Variants in ADAM32 observed in about 807,000 individuals in gnomAD.
ADAM32 encodes the protein ADAM metallopeptidase domain 32.
A neutral mutation model predicts 114.9 loss-of-function variants in ADAM32; 89 were observed. The observed-to-expected ratio is 0.77, with a 90% CI of 0.65 to 0.92. The LOEUF is 0.92. Among genes scored for constraint, ADAM32 ranks in the 40% least tolerant of loss-of-function variants. The pLI is 0.00. For synonymous variants in ADAM32, 285 were observed against 307.5 expected (o/e 0.93, Z 0.77); for missense variants, 870 against 932.8 (o/e 0.93, Z 0.88).
At chr8:39,181,353 CA>C (rs1805878215) in intron 10 of ADAM32, among the ~76,000 whole-genome samples, 1 of 152,208 alleles carries the variant, frequency 6.6e-6, no homozygotes, top group Non-Finnish European at 1.5e-5. Context: ...CGAACGTCTG[CA>C]GCTTCACTCC....
chr8:39,221,679 G>A lies in ADAM32; in HGVS notation c.1303G>A (p.Gly435Arg). Residue 435 changes from glycine to arginine, a missense_variant, in exon 13 of 25, where the codon GGA (glycine) becomes AGA (arginine). Transcript: ENST00000379907. ...VLKDGAKCYK[G>R]LCCKDCQILQ... ...GAAAGACGGAGCAAAATGTTATAAA[G>A]GACTGTGCTGCAAAGACTGTCAAGT... 1.9e-6 allele frequency: 3 copies of A among 1,611,440 alleles called. No homozygotes were observed. The highest frequency in any genetic ancestry group is 2.5e-6 in the Non-Finnish European group (3 of 1,178,424).
At chr8:39,221,350 A>G (rs1808946697) in intron 12 of ADAM32, 1 of 345,004 alleles carries the variant, frequency 2.9e-6, no homozygotes, top group African/African-American at 2.1e-5. Context: ...CTTTTTATCC[A>G]TTCTGACATT....
intron 9 of ADAM32, chr8:39,167,903 T>C (rs758095574): frequency 6.6e-6 from 1 of 152,140 alleles, no homozygotes. Context: ...TCCGGAAACT[T>C]TGCTGAATTC....
At chr8:39,206,228 G>A (rs905188310) in intron 11 of ADAM32, among the ~76,000 whole-genome samples, 1 of 152,184 alleles carries the variant, frequency 6.6e-6, no homozygotes, top group Non-Finnish European at 1.5e-5. Flanking sequence ...TTCTGCTAAG[G>A]ACAAGGATGC....
At chr8:39,257,443 TG>T in intron 19 of ADAM32, 100 bp downstream of exon 19, 1 of 1,359,636 alleles carries the variant, frequency 7.4e-7, no homozygotes, top group Middle Eastern at 1.9e-4. Flanking sequence ...TACATATCAC[TG>T]GGATTTTGAG....
intron 6 of ADAM32, among the ~76,000 whole-genome samples, chr8:39,159,544 A>G (rs1414166892): frequency 1.3e-5 from 2 of 152,052 alleles, no homozygotes; most frequent in African/African-American, 4.8e-5. Flanking sequence ...CAAAGCCTTC[A>G]TTTCTCCACC....
At chr8:39,215,888 T>C (rs757523864) in intron 12 of ADAM32, among the ~76,000 whole-genome samples, 6 of 152,078 alleles carry the variant, frequency 3.9e-5, no homozygotes, top group Non-Finnish European at 7.4e-5. Context: ...AAATGTTCTG[T>C]AAATATCTAT....
chr8:39,160,585 A>G (rs906448133), intron 6 of ADAM32, among the ~76,000 whole-genome samples: 1 of 148,790 alleles, frequency 6.7e-6, no homozygotes, highest in African/African-American at 2.5e-5. Flanking sequence ...CCACACACAT[A>G]TAGTTTTTAA....
intron 16 of ADAM32, among the ~76,000 whole-genome samples, chr8:39,235,752 C>T (rs1810092676): frequency 6.6e-6 from 1 of 151,916 alleles, no homozygotes; most frequent in Non-Finnish European, 1.5e-5. Flanking sequence ...TCAACTGAGC[C>T]AGGCAGACAG....
chr8:39,164,235 G>A (rs1028295847), intron 7 of ADAM32, among the ~76,000 whole-genome samples: 2 of 152,172 alleles, frequency 1.3e-5, no homozygotes, highest in Non-Finnish European at 2.9e-5. Context: ...CAAGCAGTCT[G>A]TATCCTTTTG....
chr8:39,187,066 T>C (rs372800816), intron 11 of ADAM32, 21 bp downstream of exon 11: 1 of 1,578,406 alleles, frequency 6.3e-7, no homozygotes, highest in Non-Finnish European at 8.6e-7. Context: ...ACAATTTATT[T>C]ATTGCTTATG....
At chr8:39,139,158 G>T (rs2129445105) in intron 3 of ADAM32, among the ~76,000 whole-genome samples, 1 of 152,282 alleles carries the variant, frequency 6.6e-6, no homozygotes, top group Non-Finnish European at 1.5e-5. Context: ...TTCTTTTGGT[G>T]TGCAGAAGCT....
At chr8:39,218,352 CT>C (rs1808729808) in intron 12 of ADAM32, among the ~76,000 whole-genome samples, 1 of 152,090 alleles carries the variant, frequency 6.6e-6, no homozygotes, top group South Asian at 2.1e-4. Flanking sequence ...GCAAGGCTTG[CT>C]GAAACCACTA....
intron 1 of ADAM32, 53 bp downstream of exon 1, chr8:39,107,886 C>A: frequency 6.8e-7 from 1 of 1,476,448 alleles, no homozygotes; most frequent in Non-Finnish European, 9.0e-7. Flanking sequence ...CACTGCGGCC[C>A]GACTCCCTGC....
At chr8:39,232,272 C>T (rs2129449322) in intron 15 of ADAM32, 137 bp downstream of exon 15, 2 of 581,434 alleles carry the variant, frequency 3.4e-6, no homozygotes, top group South Asian at 6.0e-5. Flanking sequence ...TCAAAATCCC[C>T]AGCCCTGACA....
At chr8:39,217,274 TTGC>T (rs1170096294) in intron 12 of ADAM32, among the ~76,000 whole-genome samples, 1 of 152,128 alleles carries the variant, frequency 6.6e-6, no homozygotes, top group Non-Finnish European at 1.5e-5. Context: ...TCCTTTTCTC[TTGC>T]TGCTTTTAGG....
chr8:39,264,771 TA>T (rs1308416087), intron 19 of ADAM32, among the ~76,000 whole-genome samples: 1 of 152,190 alleles, frequency 6.6e-6, no homozygotes, highest in African/African-American at 2.4e-5. Context: ...TAGTTTCAAA[TA>T]ATTTTTTTAT....
intron 12 of ADAM32, among the ~76,000 whole-genome samples, chr8:39,214,790 A>G (rs1267473906): frequency 1.3e-5 from 2 of 152,002 alleles, no homozygotes; most frequent in Non-Finnish European, 2.9e-5. Context: ...GACTTTCTCT[A>G]ATGTTTTCTT....
At chr8:39,255,606 C>G (rs1811606997) in intron 18 of ADAM32, among the ~76,000 whole-genome samples, 1 of 151,588 alleles carries the variant, frequency 6.6e-6, no homozygotes, top group South Asian at 2.1e-4. Flanking sequence ...GTTTGGGTTC[C>G]TTATAGATTC....
Sources: gnomAD v4.1 joint callset for allele counts (sites outside exome capture counted in the v4.1 genomes callset) on GRCh38, gnomAD v4.1.1 for gene constraint, MANE v1.5 for transcripts, NCBI Gene and HGNC (gene_info 2026-07-23, HGNC 2026-07-21) for gene names.